NRXN3: variants seen among roughly 807,000 people sequenced by gnomAD.
The protein encoded by NRXN3 is neurexin III.
A neutral mutation model predicts 137.6 loss-of-function variants in NRXN3; 32 were observed. The observed-to-expected ratio is 0.23, with a 90% CI of 0.18 to 0.31. NRXN3 has a LOEUF of 0.31. Ranked by LOEUF, NRXN3 falls within the 10% of genes least tolerant of loss-of-function variation. NRXN3 has a pLI of 1.00. For synonymous variants in NRXN3, 798 were observed against 784.5 expected (o/e 1.02, Z -0.29); for missense variants, 1,574 against 2,062.5 (o/e 0.76, Z 4.59).
intron 9 of NRXN3, among the ~76,000 whole-genome samples, chr14:78,809,237 C>T (rs2098895813): frequency 6.6e-6 from 1 of 152,106 alleles, no homozygotes; most frequent in Non-Finnish European, 1.5e-5. Context: ...TAGCTCTGGC[C>T]AGTTGGTCAC....
intron 1 of NRXN3, among the ~76,000 whole-genome samples, chr14:78,182,769 C>T (rs1264682913): frequency 6.6e-6 from 1 of 152,172 alleles, no homozygotes; most frequent in Non-Finnish European, 1.5e-5. Flanking sequence ...CTGCGCCTGG[C>T]CTATCAAAAT....
intron 16 of NRXN3, among the ~76,000 whole-genome samples, chr14:79,520,632 T>C (rs2097054903): frequency 1.3e-5 from 2 of 152,240 alleles, no homozygotes; most frequent in Non-Finnish European, 2.9e-5. Flanking sequence ...TCCTTTTTTA[T>C]GCCTGCATAG....
At chr14:79,420,893 G>A (rs1429920458) in intron 15 of NRXN3, among the ~76,000 whole-genome samples, 2 of 152,122 alleles carry the variant, frequency 1.3e-5, no homozygotes, top group African/African-American at 4.8e-5. Context: ...TGAATCTTTA[G>A]GAGAAAAAGG....
At chr14:79,772,795 A>C (rs2139840773) in intron 19 of NRXN3, among the ~76,000 whole-genome samples, 1 of 152,284 alleles carries the variant, frequency 6.6e-6, no homozygotes, top group Non-Finnish European at 1.5e-5. Context: ...ATTAAACTAA[A>C]GAGCTTCTGC....
At chr14:79,840,164 T>G (rs183723307) in intron 20 of NRXN3, among the ~76,000 whole-genome samples, 120 of 152,284 alleles carry the variant, frequency 7.9e-4, no homozygotes, top group Non-Finnish European at 1.4e-3. Flanking sequence ...TTCTTTTTAC[T>G]TTCATGACTA....
At chr14:79,044,878 T>A (rs939321182) in intron 15 of NRXN3, among the ~76,000 whole-genome samples, 10 of 152,002 alleles carry the variant, frequency 6.6e-5, no homozygotes, top group African/African-American at 2.4e-4. Context: ...CAGCATTTTC[T>A]TCCAGTTTTT....
intron 8 of NRXN3, among the ~76,000 whole-genome samples, chr14:78,744,037 A>G (rs2098595222): frequency 6.6e-6 from 1 of 152,128 alleles, no homozygotes; most frequent in Non-Finnish European, 1.5e-5. Context: ...AATCTAGTAA[A>G]TTTTCCTTTA....
intron 15 of NRXN3, among the ~76,000 whole-genome samples, chr14:79,215,921 T>C (rs2068432124): frequency 6.6e-6 from 1 of 152,208 alleles, no homozygotes. Context: ...CAGAGATTAT[T>C]CTGGTTATCC....
intron 19 of NRXN3, among the ~76,000 whole-genome samples, chr14:79,788,129 G>T (rs1399893216): frequency 6.6e-6 from 1 of 152,314 alleles, no homozygotes; most frequent in Admixed American, 6.5e-5. Flanking sequence ...CATGGTGGCA[G>T]GCAAGGGAGC....
At chr14:79,116,334 G>A (rs1039287348) in intron 15 of NRXN3, among the ~76,000 whole-genome samples, 2 of 152,160 alleles carry the variant, frequency 1.3e-5, no homozygotes, top group African/African-American at 4.8e-5. Flanking sequence ...TCATTACAGA[G>A]GCATCTGCAG....
At position 78,819,382 on chromosome 14, in the gene NRXN3, A is replaced by G. The variant is rs146379703; in HGVS notation, c.2275+9038A>G. On this transcript the variant is annotated intron_variant, in intron 10 of 20. Coordinates refer to ENST00000335750, the MANE Select transcript of NRXN3 (RefSeq NM_001330195.2). ...AACCAATATAACAATAGAAAATAAT[A>G]CAAATAAAAATACATATAACAGCTA... 1.2e-4 allele frequency among the ~76,000 whole-genome samples: 19 copies of G among 152,336 alleles called. No homozygotes were observed. In the East Asian group the frequency reaches 3.7e-3, roughly 29 times the overall value.
chr14:78,523,715 G>A (rs2096324577), intron 4 of NRXN3, among the ~76,000 whole-genome samples: 1 of 148,940 alleles, frequency 6.7e-6, no homozygotes, highest in African/African-American at 2.5e-5. Flanking sequence ...TACTTGGGAG[G>A]CTGAGGCAGG....
intron 15 of NRXN3, among the ~76,000 whole-genome samples, chr14:79,199,290 T>C (rs1314562887): frequency 1.3e-5 from 2 of 152,234 alleles, no homozygotes; most frequent in Non-Finnish European, 2.9e-5. Flanking sequence ...TCATTTCCTC[T>C]CGTGCCTTTC....
At chr14:79,086,745 T>G (rs764331904) in intron 15 of NRXN3, among the ~76,000 whole-genome samples, 1 of 152,130 alleles carries the variant, frequency 6.6e-6, no homozygotes, top group Non-Finnish European at 1.5e-5. Flanking sequence ...TAATATTTAA[T>G]TATAAAATTA....
At chr14:78,288,473 A>T (rs1162656660) in intron 3 of NRXN3, among the ~76,000 whole-genome samples, 1 of 152,124 alleles carries the variant, frequency 6.6e-6, no homozygotes, top group Non-Finnish European at 1.5e-5. Flanking sequence ...GGTTTATTTA[A>T]CTAAAGCTTG....
At chr14:79,854,152 T>C in intron 20 of NRXN3, 1 of 983,240 alleles carries the variant, frequency 1.0e-6, no homozygotes. Context: ...TCCAAGAGCA[T>C]TCTTACACAA....
At chr14:78,178,820 C>G (rs2153346263) in intron 1 of NRXN3, among the ~76,000 whole-genome samples, 1 of 152,282 alleles carries the variant, frequency 6.6e-6, no homozygotes, top group Middle Eastern at 3.4e-3. Flanking sequence ...TCCAGGGACT[C>G]TGCACCACCC....
chr14:78,275,955 A>C (rs1427936461), intron 2 of NRXN3, among the ~76,000 whole-genome samples: 1 of 152,148 alleles, frequency 6.6e-6, no homozygotes, highest in Admixed American at 6.5e-5. Flanking sequence ...TCGTTCTGTC[A>C]ATCAGAATTG....
At chr14:78,481,070 A>G (rs2095465331) in intron 4 of NRXN3, among the ~76,000 whole-genome samples, 1 of 152,182 alleles carries the variant, frequency 6.6e-6, no homozygotes, top group Non-Finnish European at 1.5e-5. Flanking sequence ...GGTGGTGTAG[A>G]AAGTTAGTAA....
Sources: allele counts gnomAD v4.1 joint callset (sites outside exome capture counted in the v4.1 genomes callset), GRCh38; gene constraint gnomAD v4.1.1; transcripts MANE v1.5; gene names NCBI Gene and HGNC (gene_info 2026-07-23, HGNC 2026-07-21).